The following GPR149 variants were observed in gnomAD, a reference collection of about 807,000 sequenced individuals.
GPR149 encodes probable G protein-coupled receptor 149.
In GPR149, 50 loss-of-function variants were observed where a neutral mutation model predicts 50.2. That is an observed-to-expected ratio of 1.00 (90% CI 0.79 to 1.26). The LOEUF is 1.26. Ranked by LOEUF, GPR149 falls within the 50% of genes most tolerant of loss-of-function variation. GPR149 has a pLI of 0.00. For synonymous variants in GPR149, 405 were observed against 358.2 expected (o/e 1.13, Z -1.48); for missense variants, 983 against 895.4 (o/e 1.10, Z -1.25).
intron 3 of GPR149, chr3:154,352,636 T>C (rs1274514069): frequency 5.1e-6 from 4 of 778,092 alleles, no homozygotes; most frequent in Non-Finnish European, 9.6e-6. Context: ...ACCAGAAATG[T>C]GGGCTAAAGT....
chr3:154,394,638 T>C (rs1392811366), intron 3 of GPR149, among the ~76,000 whole-genome samples: 2 of 152,126 alleles, frequency 1.3e-5, no homozygotes, highest in African/African-American at 4.8e-5. Context: ...TTGTAAACCA[T>C]ATATCAGATA....
intron 3 of GPR149, among the ~76,000 whole-genome samples, chr3:154,366,386 A>G (rs1055138889): frequency 2.0e-5 from 3 of 152,226 alleles, no homozygotes; most frequent in African/African-American, 7.2e-5. Context: ...CATTTCTGTG[A>G]CATAATTTAA....
rs930588615 is a variant in GPR149, at chr3:154,335,553, T to C, written c.*2146A>G. On this transcript the variant is annotated 3_prime_UTR_variant, in exon 4 of 4. Transcript: ENST00000389740. ...GGTGTTGTTTCAATGCAGCAGAATT[T>C]TTATGTGCATCCATTATACAGTTAA... is the stretch of plus-strand genomic sequence containing the variant. 9 of 152,236 alleles carry C rather than the reference T, an allele frequency of 5.9e-5. No homozygotes were observed. The highest frequency in any genetic ancestry group is 2.2e-4 in the African/African-American group (9 of 41,558). 9.4% of individuals were successfully genotyped at this position (152,236 alleles called of 1,614,324 possible).
chr3:154,349,869 A>G (rs959553922), intron 3 of GPR149, among the ~76,000 whole-genome samples: 12 of 152,198 alleles, frequency 7.9e-5, no homozygotes, highest in African/African-American at 2.4e-4. Context: ...TCAGCAATCT[A>G]TAAAAAGAAT....
Position 154,338,083 on chromosome 3 carries a change from T to G in GPR149, c.1812A>C (p.Glu604Asp). 1 of 1,614,184 alleles carries G rather than the reference T, an allele frequency of 6.2e-7. No homozygotes were observed. Among genetic ancestry groups the G allele is most frequent in the Non-Finnish European group, 8.5e-7 (1 of 1,180,030 alleles). ...TGTCCACAAACGTGGATGAAGAATC[T>G]TCTGAGTTTGGTTCATGGCCAACAC... ...SKSVGHEPNS[E>D]DSSSTFVDTS... Residue 604 changes from glutamate (E) to aspartate (D), a missense_variant, in exon 4 of 4, where the codon GAA becomes GAC. By Grantham distance (45) the Glu-to-Asp change is conservative (BLOSUM62 2). Transcript: ENST00000389740.
intron 3 of GPR149, among the ~76,000 whole-genome samples, chr3:154,366,744 C>A (rs1714540992): frequency 6.6e-6 from 1 of 152,160 alleles, no homozygotes; most frequent in Non-Finnish European, 1.5e-5. Flanking sequence ...TCTTTCTGGG[C>A]CAAATCAAGG....
chr3:154,371,164 G>T (rs1086054), intron 3 of GPR149, among the ~76,000 whole-genome samples: 71,701 of 151,960 alleles, frequency 0.47, 17,080 homozygotes, highest in Admixed American at 0.51. Context: ...AAAGCTCAAG[G>T]TTTAGTAAGA....
rs1416952403 is a variant in GPR149, at chr3:154,338,285, C to A, written c.1624-14G>T. On this transcript the variant is annotated splice_polypyrimidine_tract_variant and intron_variant, in intron 3 of 3. Transcript: ENST00000389740. ...ATAACCGGAACGCTGGGGACAAAAACAAAATTGTTATTGTTGAAAGCTAGG... is the reference window on the plus strand; with the variant it reads ...ATAACCGGAACGCTGGGGACAAAAAAAAAATTGTTATTGTTGAAAGCTAGG... 6.6e-7 allele frequency: 1 copy of A among 1,516,176 alleles called. No homozygotes were observed. The highest frequency in any genetic ancestry group is 1.4e-5 in the African/African-American group (1 of 71,642). The allele number at this position is 1,516,176 out of a possible 1,614,324, so 93.9% of individuals were successfully genotyped here.
intron 3 of GPR149, among the ~76,000 whole-genome samples, chr3:154,348,104 A>G (rs2108387279): frequency 6.6e-6 from 1 of 152,298 alleles, no homozygotes; most frequent in Non-Finnish European, 1.5e-5. Flanking sequence ...TGCTCCATAA[A>G]TGTTAGTTAT....
In GPR149 at chr3:154,336,141, T is replaced by G. The variant is rs1438837882; in HGVS notation, c.*1558A>C. On this transcript the variant is annotated 3_prime_UTR_variant, in exon 4 of 4. Transcript: ENST00000389740. ...GTTACACATTATTTGAGGCTTGCTT[T>G]ACAAACATTATTAGTGGTAATACAT... 6.6e-6 allele frequency: 1 copy of G among 152,102 alleles called. No homozygotes were observed. The highest frequency in any genetic ancestry group is 1.5e-5 in the Non-Finnish European group (1 of 67,936). 9.4% of individuals were successfully genotyped at this position (152,102 alleles called of 1,614,324 possible).
intron 3 of GPR149, among the ~76,000 whole-genome samples, chr3:154,405,964 A>C (rs1267636384): frequency 6.6e-6 from 1 of 152,016 alleles, no homozygotes; most frequent in African/African-American, 2.4e-5. Context: ...AAAATACTAT[A>C]AACAAAAATC....
At chr3:154,427,161 G>T (rs891389766) in intron 2 of GPR149, among the ~76,000 whole-genome samples, 1 of 152,040 alleles carries the variant, frequency 6.6e-6, no homozygotes, top group African/African-American at 2.4e-5. Context: ...TTCTAGACTT[G>T]GGAGGGGAAT....
Position 154,427,604 on chromosome 3 carries a change from G to A in GPR149, c.1086C>T (p.Val362=). 1 of 1,614,196 alleles carries A rather than the reference G, an allele frequency of 6.2e-7. No homozygotes were observed. The highest frequency in any genetic ancestry group is 8.5e-7 in the Non-Finnish European group (1 of 1,180,004). Residue 362 remains valine, a synonymous_variant, in exon 2 of 4, where the codon GTC becomes GTT. Transcript: ENST00000389740. ...GCAAGTGGGTCCAGCGTTTGGACAAGACAAACACTGGGGTTACAGTGGTGG... is the reference window on the plus strand; with the variant it reads ...GCAAGTGGGTCCAGCGTTTGGACAAAACAAACACTGGGGTTACAGTGGTGG... ...LLATTVTPVF[V]LSKRWTHLPC... is the part of the protein sequence containing the mutation.
At chr3:154,399,478 T>C (rs1715370569) in intron 3 of GPR149, among the ~76,000 whole-genome samples, 1 of 152,206 alleles carries the variant, frequency 6.6e-6, no homozygotes, top group South Asian at 2.1e-4. Context: ...TCACTTGGTG[T>C]AGTAAATATC....
chr3:154,372,137 G>A (rs1332234169), intron 3 of GPR149, among the ~76,000 whole-genome samples: 1 of 150,414 alleles, frequency 6.6e-6, no homozygotes, highest in Non-Finnish European at 1.5e-5. Flanking sequence ...TGTCTAGAGG[G>A]GAGACTGAGA....
At chr3:154,367,556 T>C (rs789299) in intron 3 of GPR149, among the ~76,000 whole-genome samples, 137,918 of 152,210 alleles carry the variant, frequency 0.91, 62,719 homozygotes, top group East Asian at 1. Flanking sequence ...CTTTGTTTCT[T>C]GCTCTGGTAA....
chr3:154,401,476 A>C (rs903372178), intron 3 of GPR149, among the ~76,000 whole-genome samples: 1 of 152,226 alleles, frequency 6.6e-6, no homozygotes, highest in African/African-American at 2.4e-5. Flanking sequence ...AGGAAGCAAG[A>C]AGGAACAGTT....
intron 3 of GPR149, among the ~76,000 whole-genome samples, chr3:154,418,038 T>C (rs1240221423): frequency 4.0e-5 from 6 of 150,746 alleles, no homozygotes; most frequent in African/African-American, 1.2e-4. Context: ...AGAAGACATT[T>C]ATGCAGCCAA....
At chr3:154,345,853 A>G (rs1374377581) in intron 3 of GPR149, among the ~76,000 whole-genome samples, 1 of 152,200 alleles carries the variant, frequency 6.6e-6, no homozygotes, top group Non-Finnish European at 1.5e-5. Flanking sequence ...AAACCATGGC[A>G]TTTTAATTTC....
Sources: gnomAD v4.1 joint callset for allele counts (sites outside exome capture counted in the v4.1 genomes callset) on GRCh38, gnomAD v4.1.1 for gene constraint, MANE v1.5 for transcripts, NCBI Gene and HGNC (gene_info 2026-07-23, HGNC 2026-07-21) for gene names.